CYP27C1: variants seen among roughly 807,000 people sequenced by gnomAD.
CYP27C1 encodes cytochrome P450 family 27 subfamily C member 1.
Under a neutral mutation model 40.6 loss-of-function variants are expected in CYP27C1, and 29 were observed. The ratio of observed to expected loss-of-function variants is 0.71; its 90% CI spans 0.53 to 0.97. CYP27C1 has a LOEUF of 0.97. Among genes scored for constraint, CYP27C1 ranks in the 50% least tolerant of loss-of-function variants. The probability of loss-of-function intolerance (pLI) is 0.00; values close to 1 mark genes in which losing one functional copy is unlikely to be tolerated. For synonymous variants in CYP27C1, 198 were observed against 186.8 expected (o/e 1.06, Z -0.49); for missense variants, 390 against 485.8 (o/e 0.80, Z 1.85).
intron 5 of CYP27C1, among the ~76,000 whole-genome samples, chr2:127,198,705 G>C (rs532360476): frequency 9.9e-5 from 15 of 152,278 alleles, no homozygotes; most frequent in African/African-American, 2.9e-4. Context: ...TGTTCCAGCT[G>C]CCCACAGTAT....
chr2:127,197,208 C>T (rs1428277695), intron 5 of CYP27C1, among the ~76,000 whole-genome samples: 1 of 152,196 alleles, frequency 6.6e-6, no homozygotes, highest in Non-Finnish European at 1.5e-5. Flanking sequence ...CACACCATCA[C>T]ATTCAGGTAG....
In CYP27C1 at chr2:127,198,124, C is replaced by G. The variant is rs1682947964; in HGVS notation, c.1047+1252G>C. ...TGTCTCATTCTGATATGAACCCTCC[C>G]TGGTCCCAGTGTATCATTGATCTGC... is the stretch of plus-strand genomic sequence containing the variant. On this transcript the variant is annotated intron_variant, in intron 5 of 8. Coordinates refer to ENST00000664447, the MANE Select transcript of CYP27C1 (RefSeq NM_001367502.1). 2.0e-5 allele frequency among the ~76,000 whole-genome samples: 3 copies of G among 151,966 alleles called. No individual in the cohort carries two copies. The South Asian group carries it at 6.2e-4, about 32-fold the overall frequency.
intron 5 of CYP27C1, among the ~76,000 whole-genome samples, chr2:127,197,928 C>G (rs1009265412): frequency 6.6e-6 from 1 of 152,122 alleles, no homozygotes; most frequent in African/African-American, 2.4e-5. Flanking sequence ...TGTGTTCCCT[C>G]CACGCGCTGC....
chr2:127,207,914 A>G (rs1683263124), intron 1 of CYP27C1, among the ~76,000 whole-genome samples: 1 of 152,220 alleles, frequency 6.6e-6, no homozygotes, highest in South Asian at 2.1e-4. Flanking sequence ...AAGTGTATAA[A>G]TAGATTCAGC....
At chr2:127,217,350 T>A (rs1340239520) in intron 1 of CYP27C1, among the ~76,000 whole-genome samples, 1 of 152,218 alleles carries the variant, frequency 6.6e-6, no homozygotes, top group Non-Finnish European at 1.5e-5. Context: ...GAAATAAGTT[T>A]CACGTAAGAC....
rs745714901 is a variant in CYP27C1 at position 127,201,549 on chromosome 2, C to A, written c.674-218G>T. On this transcript the variant is annotated intron_variant, in intron 3 of 8. Transcript: ENST00000664447. The surrounding 1 kb of genome is among the most constrained non-coding windows in gnomAD (Gnocchi z 6.0). The stretch of plus-strand genomic sequence containing the variant: ...CTGCTTCACCTAAGGAGCCCCACAG[C>A]CCTGGGAGGCACAGATGAAGAAGCC... Among the ~76,000 whole-genome samples the A allele has an allele frequency of 6.6e-6, 1 of 152,124 alleles. No homozygotes were observed. The highest frequency in any genetic ancestry group is 2.4e-5 in the African/African-American group (1 of 41,424).
At position 127,195,376 on chromosome 2, in the gene CYP27C1, G is replaced by A; in HGVS notation, c.1173C>T (p.Pro391=). 3 of 1,614,132 alleles carry A rather than the reference G, an allele frequency of 1.9e-6. No homozygotes were observed. The highest frequency in any genetic ancestry group is 2.5e-6 in the Non-Finnish European group (3 of 1,180,026). The change falls in exon 6 of 9, where the codon CCC becomes CCT. Residue 391 remains proline (P), a synonymous_variant. Coordinates refer to ENST00000664447, the MANE Select transcript of CYP27C1 (RefSeq NM_001367502.1). This position sits in a 1 kb window ranked among gnomAD's most constrained non-coding sequence, Gnocchi z 6.2. Reference sequence around the variant, plus strand: ...GGAGAGCTCTGACCAGCGGGACCTTGGGGACATCAGCTGCAGTTGGAACAT... The same window carrying A: ...GGAGAGCTCTGACCAGCGGGACCTTAGGGACATCAGCTGCAGTTGGAACAT... ...ERHVPTAADV[P]KVPLVRALLK...
chr2:127,191,792 G>A (rs1057297700), intron 8 of CYP27C1, among the ~76,000 whole-genome samples: 1 of 152,142 alleles, frequency 6.6e-6, no homozygotes, highest in Non-Finnish European at 1.5e-5. Context: ...CCTACACATC[G>A]AGCTGCCACT....
At chr2:127,187,555 A>G (rs947835032) in intron 8 of CYP27C1, among the ~76,000 whole-genome samples, 168 bp from the exon 9 acceptor site, 7 of 152,198 alleles carry the variant, frequency 4.6e-5, no homozygotes, top group Non-Finnish European at 7.3e-5. Flanking sequence ...GTCAGTGGGA[A>G]GCCCGCTGTT....
chr2:127,187,510 C>A, intron 8 of CYP27C1, 123 bp from the exon 9 acceptor site: 1 of 767,844 alleles, frequency 1.3e-6, no homozygotes, highest in Non-Finnish European at 2.2e-6. Context: ...CAATGAGCAC[C>A]CACATCCAGC....
rs192757975 is a variant in CYP27C1, at chr2:127,197,833, A to G, written c.1047+1543T>C. ...TCCTATTAATTGTATCATATTACAC[A>G]TGTGCTTTTGAAAGGAACTTGGCTC... On this transcript the variant is annotated intron_variant, in intron 5 of 8. Transcript: ENST00000664447. 9.3e-4 allele frequency among the ~76,000 whole-genome samples: 141 copies of G among 152,080 alleles called. 2 individuals carry two copies. The highest frequency in any genetic ancestry group is 3.0e-3 in the African/African-American group (123 of 41,496).
At chr2:127,193,349 A>G in intron 7 of CYP27C1, 52 bp from the exon 8 acceptor site, 1 of 1,606,194 alleles carries the variant, frequency 6.2e-7, no homozygotes, top group Non-Finnish European at 8.5e-7. Context: ...ATCACTCAAG[A>G]GCAGGGCAGG....
At position 127,214,791 on chromosome 2, in the gene CYP27C1, T is replaced by G. The variant is rs554342280; in HGVS notation, c.282+5198A>C. Among the ~76,000 whole-genome samples the G allele has an allele frequency of 1.0e-4, 15 of 142,880 alleles. No individual in the cohort carries two copies. The South Asian group carries it at 1.9e-3, about 18-fold the overall frequency. The allele number at this position is 142,880 out of a possible 152,430, so 93.7% of individuals were successfully genotyped here. A position where few individuals can be genotyped will look rare whatever the true frequency, so the allele number is the denominator to read the frequency against. On this transcript the variant is annotated intron_variant, in intron 1 of 8. Coordinates refer to ENST00000664447, the MANE Select transcript of CYP27C1 (RefSeq NM_001367502.1). Reference sequence around the variant, plus strand: ...CATGTATCCGTTTTTTGTTTTTTTTTTTTTTTTTGGTTTTTTTTTTTTTAG... The same window carrying G: ...CATGTATCCGTTTTTTGTTTTTTTTGTTTTTTTTGGTTTTTTTTTTTTTAG...
intron 5 of CYP27C1, 25 bp downstream of exon 5, chr2:127,199,351 C>T (rs1188858023): frequency 6.2e-7 from 1 of 1,609,988 alleles, no homozygotes; most frequent in Non-Finnish European, 8.5e-7. Context: ...GTGTTGCTTG[C>T]TGAGAACAGG....
intron 1 of CYP27C1, among the ~76,000 whole-genome samples, chr2:127,214,571 A>G (rs942133757): frequency 2.0e-5 from 3 of 152,172 alleles, no homozygotes; most frequent in Admixed American, 1.3e-4. Context: ...ACACAGGAAC[A>G]GAAAACCAAA....
chr2:127,212,793 C>A (rs1683361642), intron 1 of CYP27C1, among the ~76,000 whole-genome samples: 1 of 152,134 alleles, frequency 6.6e-6, no homozygotes, highest in Non-Finnish European at 1.5e-5. Flanking sequence ...TCCTATTCAA[C>A]ATAGTATTGG....
At chr2:127,191,779 C>A (rs1041844338) in intron 8 of CYP27C1, among the ~76,000 whole-genome samples, 1 of 152,198 alleles carries the variant, frequency 6.6e-6, no homozygotes, top group African/African-American at 2.4e-5. Flanking sequence ...GCCCTGAGCT[C>A]CCCCTACACA....
chr2:127,204,476 G>GT (rs1683139695), intron 2 of CYP27C1, among the ~76,000 whole-genome samples: 3 of 66,090 alleles, frequency 4.5e-5, no homozygotes, highest in East Asian at 1.1e-3. Context: ...AAGAAAGAAA[G>GT]AAAGAAAGAA....
chr2:127,197,637 C>T (rs899035636), intron 5 of CYP27C1, among the ~76,000 whole-genome samples: 1 of 152,158 alleles, frequency 6.6e-6, no homozygotes, highest in Non-Finnish European at 1.5e-5. Context: ...TCTTTCCACC[C>T]GACCACCAGC....
Sources: gnomAD v4.1 joint callset for allele counts (sites outside exome capture counted in the v4.1 genomes callset) on GRCh38, gnomAD v4.1.1 for gene constraint, Gnocchi (gnomAD v3.1) non-coding constraint, MANE v1.5 for transcripts, NCBI Gene and HGNC (gene_info 2026-07-23, HGNC 2026-07-21) for gene names.